ARHGAP15: variants seen among roughly 807,000 people sequenced by gnomAD.
ARHGAP15 encodes the protein rho GTPase-activating protein 15.
A neutral mutation model predicts 63.7 loss-of-function variants in ARHGAP15; 51 were observed. That is an observed-to-expected ratio of 0.80 (90% CI 0.64 to 1.01). ARHGAP15 has a LOEUF of 1.01. Among genes scored for constraint, ARHGAP15 ranks in the 50% least tolerant of loss-of-function variants. ARHGAP15 has a pLI of 0.00. For synonymous variants in ARHGAP15, 191 were observed against 193.8 expected (o/e 0.99, Z 0.12); for missense variants, 560 against 564.6 (o/e 0.99, Z 0.08).
intron 2 of ARHGAP15, among the ~76,000 whole-genome samples, chr2:143,177,837 C>T (rs886940915): frequency 6.6e-6 from 1 of 152,058 alleles, no homozygotes; most frequent in Non-Finnish European, 1.5e-5. Flanking sequence ...CAAACCATTG[C>T]CTCTCTTGTC....
chr2:143,546,497 T>C (rs903384099), intron 10 of ARHGAP15, among the ~76,000 whole-genome samples: 2 of 152,172 alleles, frequency 1.3e-5, no homozygotes, highest in Non-Finnish European at 2.9e-5. Flanking sequence ...AGATTACTCC[T>C]CCTGAGACTC....
At chr2:143,193,445 T>G (rs1177066758) in intron 2 of ARHGAP15, 2 of 152,700 alleles carry the variant, frequency 1.3e-5, no homozygotes, top group Non-Finnish European at 2.9e-5. Context: ...CCTTCAATCC[T>G]GCTGAGTTGG....
intron 6 of ARHGAP15, among the ~76,000 whole-genome samples, chr2:143,259,020 C>CTT (rs5834942): frequency 1.1e-3 from 169 of 148,482 alleles, no homozygotes; most frequent in African/African-American, 4.0e-3. Context: ...TGATTGTGGT[C>CTT]TTTTTTTTTT....
At chr2:143,479,285 G>A (rs539756166) in intron 8 of ARHGAP15, among the ~76,000 whole-genome samples, 128 of 151,390 alleles carry the variant, frequency 8.5e-4, no homozygotes, top group Non-Finnish European at 1.6e-3. Flanking sequence ...TTTCGTAGAA[G>A]GCAGAGGCTA....
At chr2:143,472,297 G>A (rs940062425) in intron 8 of ARHGAP15, among the ~76,000 whole-genome samples, 1 of 151,934 alleles carries the variant, frequency 6.6e-6, no homozygotes, top group Non-Finnish European at 1.5e-5. Flanking sequence ...ATTATTATTA[G>A]GAGAAGTGGT....
chr2:143,220,230 G>A (rs1346290766), intron 4 of ARHGAP15, among the ~76,000 whole-genome samples: 1 of 151,548 alleles, frequency 6.6e-6, no homozygotes, highest in Non-Finnish European at 1.5e-5. Context: ...TTATATTTTT[G>A]TCTGTTTTTT....
intron 8 of ARHGAP15, among the ~76,000 whole-genome samples, chr2:143,448,279 C>T (rs1386887456): frequency 6.6e-6 from 1 of 152,042 alleles, no homozygotes; most frequent in Non-Finnish European, 1.5e-5. Context: ...TCACGGAATG[C>T]TAAAAAATTA....
chr2:143,473,975 G>C (rs149057943), intron 8 of ARHGAP15, among the ~76,000 whole-genome samples: 1 of 152,090 alleles, frequency 6.6e-6, no homozygotes, highest in South Asian at 2.1e-4. Context: ...ATCTCAGCCC[G>C]TTCAATAGTC....
At chr2:143,570,411 T>C (rs2105118761) in intron 11 of ARHGAP15, among the ~76,000 whole-genome samples, 1 of 152,366 alleles carries the variant, frequency 6.6e-6, no homozygotes, top group East Asian at 1.9e-4. Flanking sequence ...CATGCTTATA[T>C]CTTATCTACT....
At chr2:143,595,287 C>T (rs1364026976) in intron 11 of ARHGAP15, among the ~76,000 whole-genome samples, 1 of 152,122 alleles carries the variant, frequency 6.6e-6, no homozygotes, top group Non-Finnish European at 1.5e-5. Context: ...ATATTTTCAA[C>T]TTTGCTGGCA....
chr2:143,532,923 G>A (rs1046991282), intron 10 of ARHGAP15, among the ~76,000 whole-genome samples: 4 of 152,110 alleles, frequency 2.6e-5, no homozygotes, highest in African/African-American at 7.2e-5. Flanking sequence ...CCAAACTTCC[G>A]TTACCAAAAA....
intron 9 of ARHGAP15, among the ~76,000 whole-genome samples, chr2:143,510,695 T>C (rs1318452570): frequency 6.6e-6 from 1 of 152,234 alleles, no homozygotes; most frequent in Non-Finnish European, 1.5e-5. Flanking sequence ...GAAACCTTAA[T>C]CAATATACGT....
chr2:143,415,177 A>G (rs530372777), intron 6 of ARHGAP15, among the ~76,000 whole-genome samples: 1 of 152,336 alleles, frequency 6.6e-6, no homozygotes, highest in South Asian at 2.1e-4. Context: ...ACAATAAAGA[A>G]GAAAAATCAA....
intron 6 of ARHGAP15, among the ~76,000 whole-genome samples, chr2:143,258,695 G>A (rs1680548932): frequency 6.6e-6 from 1 of 152,116 alleles, no homozygotes; most frequent in Non-Finnish European, 1.5e-5. Flanking sequence ...GGAGAAATCA[G>A]GAAGGAAGCT....
chr2:143,559,019 C>A (rs1695919209), intron 11 of ARHGAP15, among the ~76,000 whole-genome samples: 1 of 152,066 alleles, frequency 6.6e-6, no homozygotes, highest in Admixed American at 6.6e-5. Context: ...ATCAGCGTAC[C>A]CCCTCTGTGG....
chr2:143,369,652 G>A (rs1169428265), intron 6 of ARHGAP15, among the ~76,000 whole-genome samples: 1 of 151,942 alleles, frequency 6.6e-6, no homozygotes, highest in Non-Finnish European at 1.5e-5. Flanking sequence ...GATAATGCAG[G>A]CATTTGGGCC....
rs1424695761 is a variant in ARHGAP15 at position 143,448,766 on chromosome 2, G to A, written c.703+11724G>A. 4.0e-5 allele frequency among the ~76,000 whole-genome samples: 6 copies of A among 151,744 alleles called. No homozygotes were observed. The East Asian group carries it at 1.2e-3, about 29-fold the overall frequency. On this transcript the variant is annotated intron_variant, in intron 8 of 13. Transcript: ENST00000295095. Reference sequence around the variant, plus strand: ...CAATGACAATATCACCTAGGAGCTTGTTAGTAAATATGGCCTCTCCAGCCC... The same window carrying A: ...CAATGACAATATCACCTAGGAGCTTATTAGTAAATATGGCCTCTCCAGCCC...
At chr2:143,205,255 T>TAAAAAAAAAA (rs71301732) in intron 3 of ARHGAP15, among the ~76,000 whole-genome samples, 2 of 85,450 alleles carry the variant, frequency 2.3e-5, no homozygotes. Flanking sequence ...CAGAGAGAGA[T>TAAAAAAAAAA]AAAAAAAAAA....
chr2:143,635,404 T>C (rs1353922152), intron 12 of ARHGAP15, among the ~76,000 whole-genome samples: 1 of 151,984 alleles, frequency 6.6e-6, no homozygotes, highest in Non-Finnish European at 1.5e-5. Flanking sequence ...CTTTACCCAG[T>C]ACTCTTGTTT....
Sources: allele counts gnomAD v4.1 joint callset (sites outside exome capture counted in the v4.1 genomes callset), GRCh38; gene constraint gnomAD v4.1.1; transcripts MANE v1.5; gene names NCBI Gene and HGNC (gene_info 2026-07-23, HGNC 2026-07-21).